Variants in POMT1 observed in about 807,000 individuals in gnomAD.
POMT1 encodes protein O-mannosyl-transferase 1.
Under a neutral mutation model 101.6 loss-of-function variants are expected in POMT1, and 85 were observed. The ratio of observed to expected loss-of-function variants is 0.84; its 90% CI spans 0.70 to 1.00. The LOEUF (loss-of-function observed/expected upper bound fraction) is 1.00. POMT1 is among the 50% of genes least tolerant of loss of function. The probability of loss-of-function intolerance (pLI) is 0.00; values close to 1 mark genes in which losing one functional copy is unlikely to be tolerated. For synonymous variants in POMT1, 371 were observed against 383.0 expected (o/e 0.97, Z 0.37); for missense variants, 857 against 930.4 (o/e 0.92, Z 1.03).
At chr9:131,504,679 A>T (rs1218688698) in intron 2 of POMT1, among the ~76,000 whole-genome samples, 1 of 151,024 alleles carries the variant, frequency 6.6e-6, no homozygotes, top group African/African-American at 2.4e-5. Flanking sequence ...AGCACTTTTT[A>T]GAATGTGTTT....
At chr9:131,506,002 C>A in intron 2 of POMT1, 112 bp from the exon 3 acceptor site, 1 of 1,423,834 alleles carries the variant, frequency 7.0e-7, no homozygotes, top group Non-Finnish European at 9.7e-7. Flanking sequence ...CCAGCCTTTG[C>A]TGATCACTCA....
rs1218332028 is a variant in POMT1 at position 131,519,991 on chromosome 9, A to G, written c.1585-89A>G. 1.2e-5 allele frequency: 12 copies of G among 971,542 alleles called. No homozygotes were observed. Among genetic ancestry groups the G allele is most frequent in the Admixed American group, 3.8e-5 (2 of 52,236 alleles). The allele number at this position is 971,542 out of a possible 1,614,324, so 60.2% of individuals were successfully genotyped here. A position where few individuals can be genotyped will look rare whatever the true frequency, so the allele number is the denominator to read the frequency against. ...CTTGAGCTGGGCCAGTCCACGTGCA[A>G]GGGGCAGCAGTGTACTCCTTTGACC... On this transcript the variant is annotated intron_variant, in intron 16 of 19. Transcript: ENST00000402686. This position sits in a 1 kb window ranked among gnomAD's most constrained non-coding sequence, Gnocchi z 4.3.
rs1367800592 is a variant in POMT1 at position 131,523,334 on chromosome 9, C to T, written c.*228C>T. On this transcript the variant is annotated 3_prime_UTR_variant, in exon 20 of 20. Coordinates refer to ENST00000402686, the MANE Select transcript of POMT1 (RefSeq NM_001077365.2). Reference sequence around the variant, plus strand: ...ACAATAAAGATATTCCGTGTCTTTACCCCTGAACTAAGACACAGGGAGTAT... The same window carrying T: ...ACAATAAAGATATTCCGTGTCTTTATCCCTGAACTAAGACACAGGGAGTAT... 6 of 567,614 alleles carry T rather than the reference C, an allele frequency of 1.1e-5. No individual in the cohort carries two copies. Among genetic ancestry groups the T allele is most frequent in the African/African-American group, 3.8e-5 (2 of 53,240 alleles). 35.2% of individuals were successfully genotyped at this position (567,614 alleles called of 1,614,324 possible). A position where few individuals can be genotyped will look rare whatever the true frequency, so the allele number is the denominator to read the frequency against.
At chr9:131,504,433 A>G (rs765802172) in intron 2 of POMT1, 93 bp downstream of exon 2, 19 of 1,590,470 alleles carry the variant, frequency 1.2e-5, no homozygotes, top group Non-Finnish European at 1.5e-5. Flanking sequence ...GGAGAGTGAA[A>G]TCCTGGCTTC....
In POMT1 at chr9:131,519,045, G is replaced by T; in HGVS notation, c.1486+88G>T. On this transcript the variant is annotated intron_variant, in intron 15 of 19. Coordinates refer to ENST00000402686, the MANE Select transcript of POMT1 (RefSeq NM_001077365.2). The surrounding 1 kb of genome is among the most constrained non-coding windows in gnomAD (Gnocchi z 4.3). ...AACACCCCAGAGTTCTCATTTTGGT[G>T]GGAAGGGAACTGAGCACATTCTCCA... 6.3e-7 allele frequency: 1 copy of T among 1,588,212 alleles called. No individual in the cohort carries two copies. Among genetic ancestry groups the T allele is most frequent in the Non-Finnish European group, 8.5e-7 (1 of 1,170,914 alleles).
chr9:131,510,979 T>TTAATCC, intron 9 of POMT1: 1 of 271,186 alleles, frequency 3.7e-6, no homozygotes, highest in Non-Finnish European at 7.1e-6. Flanking sequence ...CGACGGCCAG[T>TTAATCC]GCTGTAGTGC....
rs537314512 is a variant in POMT1, at chr9:131,523,398, C to T, written c.*292C>T. 111 of 410,096 alleles carry T rather than the reference C, an allele frequency of 2.7e-4. 2 individuals carry two copies. The highest frequency in any genetic ancestry group is 7.5e-4 in the Middle Eastern group (1 of 1,342). 25.4% of individuals were successfully genotyped at this position (410,096 alleles called of 1,614,324 possible). On this transcript the variant is annotated 3_prime_UTR_variant, in exon 20 of 20. Transcript: ENST00000402686. ...GTAGGAGTCATTGACAACAAAAAGC[C>T]GAGAACCCAGGGCCAGCAGTGGAGC... is the stretch of plus-strand genomic sequence containing the variant.
In POMT1 at chr9:131,502,950, T is replaced by C. The variant is rs1944877796; in HGVS notation, c.-154T>C. 6.6e-6 allele frequency: 1 copy of C among 152,282 alleles called. No homozygotes were observed. The highest frequency in any genetic ancestry group is 2.4e-5 in the African/African-American group (1 of 41,454). The allele number at this position is 152,282 out of a possible 1,614,324, so 9.4% of individuals were successfully genotyped here. A position where few individuals can be genotyped will look rare whatever the true frequency, so the allele number is the denominator to read the frequency against. On this transcript the variant is annotated 5_prime_UTR_variant, in exon 1 of 20. Coordinates refer to ENST00000402686, the MANE Select transcript of POMT1 (RefSeq NM_001077365.2). The stretch of plus-strand genomic sequence containing the variant: ...CCCGCAGGCTCGGTGAATCGAACGT[T>C]GAGCAGGGCGGTGGGTGGTGCGGAG...
intron 4 of POMT1, 77 bp from the exon 5 acceptor site, chr9:131,507,291 T>C: frequency 6.2e-7 from 1 of 1,606,112 alleles, no homozygotes. Flanking sequence ...GACGGCGCTA[T>C]GTGAAAGCAT....
chr9:131,518,866 G>T lies in POMT1; in HGVS notation c.1395G>T (p.Gly465=). The T allele has an allele frequency of 6.2e-7, 1 of 1,614,026 alleles. No homozygotes were observed. Among genetic ancestry groups the T allele is most frequent in the Non-Finnish European group, 8.5e-7 (1 of 1,180,028 alleles). ...KLSGAHLPDW[G]YRQLEIVGEK... ...GCGGGGCTCACCTCCCTGACTGGGG[G>T]TATCGGCAACTGGAGATCGTCGGGG... Residue 465 remains glycine (G), a synonymous_variant, in exon 15 of 20, where the codon GGG becomes GGT. Coordinates refer to ENST00000402686, the MANE Select transcript of POMT1 (RefSeq NM_001077365.2).
At chr9:131,515,785 T>G (rs1948272075) in intron 13 of POMT1, among the ~76,000 whole-genome samples, 1 of 25,978 alleles carries the variant, frequency 3.8e-5, no homozygotes, top group Non-Finnish European at 1.1e-4. Context: ...GCACTTCCTG[T>G]AACACAGGAC....
chr9:131,513,083 G>T (rs574770221), intron 11 of POMT1, among the ~76,000 whole-genome samples, 156 bp from the exon 12 acceptor site: 9 of 152,356 alleles, frequency 5.9e-5, no homozygotes, highest in African/African-American at 2.2e-4. Context: ...CCCAATTAAT[G>T]TCTGTGCTTT....
At chr9:131,507,604 C>A in intron 5 of POMT1, 90 bp downstream of exon 5, 1 of 1,564,292 alleles carries the variant, frequency 6.4e-7, no homozygotes, top group Non-Finnish European at 8.7e-7. Flanking sequence ...GGTGGGCGAG[C>A]TGCACCAGAA....
chr9:131,518,314 T>C (rs1301027933), intron 13 of POMT1, 131 bp from the exon 14 acceptor site: 1 of 861,106 alleles, frequency 1.2e-6, no homozygotes, highest in South Asian at 1.3e-5. Flanking sequence ...CCCTTATAGC[T>C]TCCCTCACTT....
rs1344528929 is a variant in POMT1, at chr9:131,519,554, G to A, written c.1584+68G>A. 3 of 1,446,718 alleles carry A rather than the reference G, an allele frequency of 2.1e-6. No homozygotes were observed. Among genetic ancestry groups the A allele is most frequent in the Non-Finnish European group, 2.8e-6 (3 of 1,062,622 alleles). 89.6% of individuals were successfully genotyped at this position (1,446,718 alleles called of 1,614,324 possible). On this transcript the variant is annotated intron_variant, in intron 16 of 19. Coordinates refer to ENST00000402686, the MANE Select transcript of POMT1 (RefSeq NM_001077365.2). The surrounding 1 kb of genome is among the most constrained non-coding windows in gnomAD (Gnocchi z 4.3). ...TGACTCCTCAGCAGGGAGGCCTGGGGGCTGCACAGGACTCAAACCAGAGTC... is the reference window on the plus strand; with the variant it reads ...TGACTCCTCAGCAGGGAGGCCTGGGAGCTGCACAGGACTCAAACCAGAGTC...
At position 131,523,717 on chromosome 9, in the gene POMT1, C is replaced by G. The variant is rs1950398296; in HGVS notation, c.*611C>G. 1.2e-5 allele frequency: 2 copies of G among 160,934 alleles called. No homozygotes were observed. The highest frequency in any genetic ancestry group is 2.8e-5 in the Non-Finnish European group (2 of 72,330). The allele number at this position is 160,934 out of a possible 1,614,324, so 10.0% of individuals were successfully genotyped here. On this transcript the variant is annotated 3_prime_UTR_variant, in exon 20 of 20. Transcript: ENST00000402686. ...TGAGACGTGGCTGAGTGAAATCTTCCTCGTCAGTGGTCAAGGTGTGTCATC... is the reference window on the plus strand; with the variant it reads ...TGAGACGTGGCTGAGTGAAATCTTCGTCGTCAGTGGTCAAGGTGTGTCATC...
chr9:131,507,227 G>C, intron 4 of POMT1, 141 bp from the exon 5 acceptor site: 3 of 1,247,142 alleles, frequency 2.4e-6, no homozygotes, highest in Non-Finnish European at 3.5e-6. Context: ...TATGCACTCT[G>C]CTGCTGATGG....
At chr9:131,517,587 C>T (rs761860694) in intron 13 of POMT1, among the ~76,000 whole-genome samples, 1 of 152,148 alleles carries the variant, frequency 6.6e-6, no homozygotes, top group Non-Finnish European at 1.5e-5. Flanking sequence ...TTGGCTGTTC[C>T]ATTTTTGTGC....
At chr9:131,514,214 G>A (rs1044150884) in intron 12 of POMT1, among the ~76,000 whole-genome samples, 8 of 152,094 alleles carry the variant, frequency 5.3e-5, no homozygotes, top group African/African-American at 1.7e-4. Context: ...CAGCCTGTCC[G>A]GCCTGCGGAC....
Sources: allele counts gnomAD v4.1 joint callset (sites outside exome capture counted in the v4.1 genomes callset), GRCh38; gene constraint gnomAD v4.1.1; non-coding constraint Gnocchi (gnomAD v3.1); transcripts MANE v1.5; gene names NCBI Gene and HGNC (gene_info 2026-07-23, HGNC 2026-07-21).